CACNA2D4: variants seen among roughly 807,000 people sequenced by gnomAD.
CACNA2D4 encodes the protein voltage-dependent calcium channel subunit alpha-2/delta-4.
A neutral mutation model predicts 163.8 loss-of-function variants in CACNA2D4; 157 were observed. That is an observed-to-expected ratio of 0.96 (90% CI 0.84 to 1.09). The LOEUF is 1.09. Among genes scored for constraint, CACNA2D4 ranks in the 50% least tolerant of loss-of-function variants. CACNA2D4 has a pLI of 0.00. For missense variants in CACNA2D4, 1,410 were observed against 1,479.9 expected, an observed-to-expected ratio of 0.95 and a Z score of 0.78; for synonymous variants, 598 against 586.9, an observed-to-expected ratio of 1.02 and a Z score of -0.27.
In CACNA2D4 at chr12:1,800,066, G is replaced by C; in HGVS notation, c.2922-14C>G. On this transcript the variant is annotated splice_polypyrimidine_tract_variant and intron_variant, in intron 32 of 37. Coordinates refer to ENST00000382722, the MANE Select transcript of CACNA2D4 (RefSeq NM_172364.5). ...TCCAGCAGGAACCTGTCAGACACAG[G>C]ACTGAATCTCGGAGACCTCTGAGCC... The C allele has an allele frequency of 6.3e-7, 1 of 1,593,772 alleles. No individual in the cohort carries two copies. Among genetic ancestry groups the C allele is most frequent in the Non-Finnish European group, 8.5e-7 (1 of 1,170,208 alleles).
intron 9 of CACNA2D4, 37 bp from the exon 10 acceptor site, chr12:1,885,113 T>C (rs1866104611): frequency 6.5e-7 from 1 of 1,542,664 alleles, no homozygotes. Context: ...CATCAGGGGG[T>C]TGAGTGGGCC....
At chr12:1,880,790 A>G (rs1442963086) in intron 13 of CACNA2D4, among the ~76,000 whole-genome samples, 1 of 152,170 alleles carries the variant, frequency 6.6e-6, no homozygotes, top group Non-Finnish European at 1.5e-5. Context: ...GATGACATCT[A>G]ATTGTTTTCT....
intron 1 of CACNA2D4, chr12:1,915,154 A>G: frequency 1.4e-6 from 1 of 702,952 alleles, no homozygotes; most frequent in Non-Finnish European, 2.6e-6. Flanking sequence ...ATATGCATAC[A>G]CACACGTGAC....
At chr12:1,832,621 TGTTA>T (rs996012100) in intron 26 of CACNA2D4, among the ~76,000 whole-genome samples, 3 of 152,248 alleles carry the variant, frequency 2.0e-5, no homozygotes, top group Non-Finnish European at 4.4e-5. Flanking sequence ...AATTCTCCTG[TGTTA>T]GTTAATTAAA....
intron 18 of CACNA2D4, among the ~76,000 whole-genome samples, chr12:1,867,943 C>T (rs1416386968): frequency 2.0e-5 from 3 of 152,178 alleles, no homozygotes; most frequent in Non-Finnish European, 4.4e-5. Context: ...CTTAGGATAG[C>T]TTCTACCAAA....
chr12:1,861,109 C>A (rs1865515956), intron 18 of CACNA2D4, among the ~76,000 whole-genome samples: 1 of 152,234 alleles, frequency 6.6e-6, no homozygotes, highest in African/African-American at 2.4e-5. Context: ...AGGACTTGTT[C>A]TTATTCCCTT....
rs1866095617 is a variant in CACNA2D4 at position 1,884,840 on chromosome 12, G to C, written c.1200C>G (p.Ile400Met). The change falls in exon 11 of 38, where the codon ATC becomes ATG. Residue 400 changes from isoleucine to methionine, a missense_variant. Ile to Met is a conservative substitution (Grantham distance 10, BLOSUM62 1). Transcript: ENST00000382722. The stretch of plus-strand genomic sequence containing the variant: ...CCACGGCGCCGTCGCTGATGAGCAT[G>C]ATGGCCTGGTTGCAGAGGCTTCCTT... ...AKQGSLCNQA[I>M]MLISDGAVED... 4 of 1,613,890 alleles carry C rather than the reference G, an allele frequency of 2.5e-6. 1 individual carries two copies. In the East Asian group the frequency reaches 6.7e-5, roughly 27 times the overall value.
chr12:1,917,316 G>A lies in CACNA2D4; in HGVS notation c.227+931C>T, dbSNP rs949785368. Among the ~76,000 whole-genome samples, 2 of 152,194 alleles carry A rather than the reference G, an allele frequency of 1.3e-5. No individual in the cohort carries two copies. The highest frequency in any genetic ancestry group is 2.1e-4 in the South Asian group (1 of 4,830). On this transcript the variant is annotated intron_variant, in intron 1 of 37. Coordinates refer to ENST00000382722, the MANE Select transcript of CACNA2D4 (RefSeq NM_172364.5). The surrounding 1 kb of genome is among the most constrained non-coding windows in gnomAD (Gnocchi z 4.3). ...AGGCAGGGAACAAGGAGAGCTATGC[G>A]GCTCGATGGGAAACGATGCTGCCTA... is the stretch of plus-strand genomic sequence containing the variant.
chr12:1,830,033 C>G (rs915077257), intron 26 of CACNA2D4, among the ~76,000 whole-genome samples: 3 of 152,192 alleles, frequency 2.0e-5, no homozygotes, highest in African/African-American at 7.2e-5. Flanking sequence ...ACCCCATGCT[C>G]GCTACGCAGA....
chr12:1,907,459 T>A lies in CACNA2D4; in HGVS notation c.762A>T (p.Gly254=). Residue 254 remains glycine (G), a synonymous_variant, in exon 6 of 38, where the codon GGA becomes GGT. Coordinates refer to ENST00000382722, the MANE Select transcript of CACNA2D4 (RefSeq NM_172364.5). ...CCTTACCTGGATAGATCCTGAAGAA[T>A]CCAGTTGCACTGCCAAAATATTGCC... ...LTWQYFGSAT[G]FFRIYPGIKW... is the part of the protein sequence containing the mutation. 6.2e-7 allele frequency: 1 copy of A among 1,613,988 alleles called. No homozygotes were observed.
intron 14 of CACNA2D4, 30 bp from the exon 15 acceptor site, chr12:1,879,066 G>A (rs761199525): frequency 6.3e-7 from 1 of 1,586,776 alleles, no homozygotes; most frequent in South Asian, 1.1e-5. Context: ...GGGTGGGGGA[G>A]ACCCAGCTTC....
Position 1,826,923 on chromosome 12 carries a change from T to C in CACNA2D4, c.2551+13816A>G, listed in dbSNP as rs982402219. On this transcript the variant is annotated intron_variant, in intron 26 of 37. Transcript: ENST00000382722. ...GCAGCTCCATCCACCTCTGGGCCTGTCTTTTTCACTCTGATATTGTCTCCT... is the reference window on the plus strand; with the variant it reads ...GCAGCTCCATCCACCTCTGGGCCTGCCTTTTTCACTCTGATATTGTCTCCT... Among the ~76,000 whole-genome samples, 3 of 152,334 alleles carry C rather than the reference T, an allele frequency of 2.0e-5. No individual in the cohort carries two copies. In the South Asian group the frequency reaches 6.2e-4, roughly 32 times the overall value.
chr12:1,821,868 T>C (rs1439678865), intron 26 of CACNA2D4, among the ~76,000 whole-genome samples: 1 of 152,074 alleles, frequency 6.6e-6, no homozygotes, highest in Admixed American at 6.5e-5. Context: ...CTGGGGGGTG[T>C]TGGCACCCGG....
intron 7 of CACNA2D4, 105 bp downstream of exon 7, chr12:1,886,904 T>TG: frequency 1.3e-6 from 1 of 743,138 alleles, no homozygotes; most frequent in East Asian, 2.7e-5. Flanking sequence ...CCAAGGCCCT[T>TG]GAGTGGCGGT....
intron 29 of CACNA2D4, among the ~76,000 whole-genome samples, chr12:1,808,814 C>T (rs1246340326): frequency 6.6e-6 from 1 of 152,240 alleles, no homozygotes; most frequent in Non-Finnish European, 1.5e-5. Context: ...CTGGTTTCAA[C>T]TCTTATCATC....
In CACNA2D4 at chr12:1,884,273, G is replaced by T. The variant is rs748328734; in HGVS notation, c.1321C>A (p.Arg441Ser). Residue 441 changes from arginine (R) to serine (S), a missense_variant, in exon 12 of 38, where the codon CGC (arginine) becomes AGC (serine). Transcript: ENST00000382722. ...TTGTTGCATGCAATCCACTTCATGC[G>T]GTCAGCAAAAGACACTTCTCTCCCA... is the stretch of plus-strand genomic sequence containing the variant. ...LIGREVSFAD[R>S]MKWIACNNKG... is the part of the protein sequence containing the mutation. 6.2e-7 allele frequency: 1 copy of T among 1,612,446 alleles called. No homozygotes were observed. The highest frequency in any genetic ancestry group is 2.2e-5 in the East Asian group (1 of 44,872).
intron 6 of CACNA2D4, among the ~76,000 whole-genome samples, chr12:1,903,762 C>T (rs1866592193): frequency 6.6e-6 from 1 of 152,058 alleles, no homozygotes. Flanking sequence ...CACTCATACA[C>T]TGTTGATAAT....
chr12:1,810,134 T>C (rs1863655480), intron 29 of CACNA2D4, 144 bp downstream of exon 29: 2 of 664,674 alleles, frequency 3.0e-6, no homozygotes, highest in Non-Finnish European at 5.4e-6. Context: ...CAGAACACCA[T>C]GTTCTTCAGA....
At chr12:1,810,212 G>A in intron 29 of CACNA2D4, 66 bp downstream of exon 29, 4 of 1,351,332 alleles carry the variant, frequency 3.0e-6, no homozygotes, top group Admixed American at 1.7e-5. Context: ...TAGCTGGAGT[G>A]GCTGCCCAAT....
Sources: allele counts gnomAD v4.1 joint callset (sites outside exome capture counted in the v4.1 genomes callset), GRCh38; gene constraint gnomAD v4.1.1; non-coding constraint Gnocchi (gnomAD v3.1); transcripts MANE v1.5; gene names NCBI Gene and HGNC (gene_info 2026-07-23, HGNC 2026-07-21).